EFR3B: variants seen among roughly 807,000 people sequenced by gnomAD.
The protein encoded by EFR3B is protein EFR3 homolog B.
A neutral mutation model predicts 104.7 loss-of-function variants in EFR3B; 64 were observed. The observed-to-expected ratio is 0.61, with a 90% CI of 0.50 to 0.75. The LOEUF is 0.75. Ranked by LOEUF, EFR3B falls within the 30% of genes least tolerant of loss-of-function variation. The pLI, the probability that EFR3B is intolerant of heterozygous loss-of-function variation, is 0.00. For synonymous variants in EFR3B, 385 were observed against 417.9 expected (o/e 0.92, Z 0.96); for missense variants, 750 against 1,078.5 (o/e 0.70, Z 4.27).
chr2:25,133,055 C>T (rs985365318), intron 11 of EFR3B, 41 bp downstream of exon 11: 1 of 1,512,484 alleles, frequency 6.6e-7, no homozygotes, highest in Non-Finnish European at 9.0e-7. Context: ...CCTCCTCTCC[C>T]CCAGCTGCAT....
intron 3 of EFR3B, among the ~76,000 whole-genome samples, chr2:25,100,866 C>A (rs950589851): frequency 6.6e-6 from 1 of 152,198 alleles, no homozygotes; most frequent in Non-Finnish European, 1.5e-5. Flanking sequence ...GAAGGATCAC[C>A]ATCCTGCAAT....
chr2:25,141,912 G>T lies in EFR3B; in HGVS notation c.1922+479G>T, dbSNP rs1400120366. 2.0e-5 allele frequency among the ~76,000 whole-genome samples: 3 copies of T among 152,164 alleles called. No individual in the cohort carries two copies. In the South Asian group the frequency reaches 6.2e-4, roughly 32 times the overall value. On this transcript the variant is annotated intron_variant, in intron 17 of 22. Transcript: ENST00000403714. ...AGACAATCATGACAATGTTTTAGAA[G>T]AATATTTAATGTAAAATACCCATTA...
At chr2:25,091,535 C>A in intron 2 of EFR3B, 134 bp downstream of exon 2, 1 of 751,350 alleles carries the variant, frequency 1.3e-6, no homozygotes, top group Non-Finnish European at 2.1e-6. Flanking sequence ...ACTGAGCCTT[C>A]CCAGAGAAAC....
rs1412413612 is a variant in EFR3B at position 25,114,061 on chromosome 2, G to A, written c.364-7612G>A. ...AAAAGGGCTTACTCGCTCTAAAACC[G>A]GAGAGTCCCAACCTCATCTCAGCCA... On this transcript the variant is annotated intron_variant, in intron 4 of 22. Coordinates refer to ENST00000403714, the MANE Select transcript of EFR3B (RefSeq NM_014971.2). The surrounding 1 kb of genome is among the most constrained non-coding windows in gnomAD (Gnocchi z 4.0). Among the ~76,000 whole-genome samples, 1 of 152,156 alleles carries A rather than the reference G, an allele frequency of 6.6e-6. No homozygotes were observed. The highest frequency in any genetic ancestry group is 1.5e-5 in the Non-Finnish European group (1 of 68,028).
intron 2 of EFR3B, among the ~76,000 whole-genome samples, chr2:25,091,770 C>T (rs1425287522): frequency 6.6e-6 from 1 of 152,200 alleles, no homozygotes; most frequent in Non-Finnish European, 1.5e-5. Context: ...TGTGAGGACT[C>T]CCCTGTCTTG....
rs77871644 is a variant in EFR3B, at chr2:25,059,078, C to T, written c.7+16759C>T. 0.017 allele frequency among the ~76,000 whole-genome samples: 2,581 copies of T among 151,798 alleles called. 181 individuals are homozygous for T. In the East Asian group the frequency reaches 0.23, roughly 14 times the overall value. On this transcript the variant is annotated intron_variant, in intron 1 of 22. Transcript: ENST00000403714. ...GACAGACAAACGGATAAACAAAATGCAATATCTGTGTATGATAGAATATTA... is the reference window on the plus strand; with the variant it reads ...GACAGACAAACGGATAAACAAAATGTAATATCTGTGTATGATAGAATATTA...
intron 1 of EFR3B, among the ~76,000 whole-genome samples, chr2:25,058,775 C>CCCCCA (rs1491513048): frequency 1.9e-5 from 2 of 104,190 alleles, no homozygotes; most frequent in African/African-American, 7.0e-5. Flanking sequence ...CCCCCCCCCC[C>CCCCCA]AAAAAAAAAA....
Position 25,140,079 on chromosome 2 carries a change from G to A in EFR3B, c.1854+889G>A, listed in dbSNP as rs148743578. On this transcript the variant is annotated intron_variant, in intron 16 of 22. Transcript: ENST00000403714. The stretch of plus-strand genomic sequence containing the variant: ...TGTAATCCCAGCACTTTGGGAGGCC[G>A]AGGCTGGTGGATCACTTGAGATCAG... Among the ~76,000 whole-genome samples the A allele has an allele frequency of 3.6e-3, 547 of 152,178 alleles. 4 individuals are homozygous for A. Among genetic ancestry groups the A allele is most frequent in the African/African-American group, 0.012 (491 of 41,518 alleles).
chr2:25,131,638 G>A lies in EFR3B; in HGVS notation c.986-112G>A, dbSNP rs1670338331. ...AGAAGTCCGCCAGGAAGTTGGGAGC[G>A]CAGAGGAAGCCCAGGCTGGAAGGGG... On this transcript the variant is annotated intron_variant, in intron 9 of 22. Transcript: ENST00000403714. This position sits in a 1 kb window ranked among gnomAD's most constrained non-coding sequence, Gnocchi z 7.6. The A allele has an allele frequency of 4.0e-6, 6 of 1,491,164 alleles. No homozygotes were observed. In the East Asian group the frequency reaches 7.5e-5, roughly 19 times the overall value. 92.4% of individuals were successfully genotyped at this position (1,491,164 alleles called of 1,614,324 possible).
intron 2 of EFR3B, among the ~76,000 whole-genome samples, chr2:25,091,654 G>A (rs1417744699): frequency 6.6e-6 from 1 of 152,250 alleles, no homozygotes; most frequent in Non-Finnish European, 1.5e-5. Context: ...TGGCATGCTT[G>A]TGGCCATCAC....
chr2:25,091,267 A>G (rs982619789), intron 1 of EFR3B, 58 bp from the exon 2 acceptor site: 24 of 1,523,514 alleles, frequency 1.6e-5, no homozygotes, highest in African/African-American at 9.7e-5. Context: ...CCTGGCTCCA[A>G]CCTTTCCTGG....
intron 1 of EFR3B, chr2:25,080,400 T>C (rs557522059): frequency 9.6e-6 from 5 of 521,924 alleles, no homozygotes; most frequent in Non-Finnish European, 1.7e-5. Flanking sequence ...GTTCGAGCGA[T>C]TCTGCTGCCT....
At chr2:25,129,330 G>T (rs1168526114) in intron 6 of EFR3B, among the ~76,000 whole-genome samples, 1 of 131,810 alleles carries the variant, frequency 7.6e-6, no homozygotes, top group Non-Finnish European at 1.6e-5. Context: ...GGGGGCGGGG[G>T]CGGGGGCGGG....
Position 25,103,633 on chromosome 2 carries a change from C to T in EFR3B, c.213-4C>T. The T allele has an allele frequency of 6.5e-7, 1 of 1,548,692 alleles. No homozygotes were observed. Among genetic ancestry groups the T allele is most frequent in the Non-Finnish European group, 8.7e-7 (1 of 1,144,792 alleles). On this transcript the variant is annotated splice_polypyrimidine_tract_variant and splice_region_variant and intron_variant, in intron 3 of 22. Transcript: ENST00000403714. ...CCAGTGACGGCATGTGCTGCCCTCCCCAGGTACGTGTGCATTGCTATGGAG... is the reference window on the plus strand; with the variant it reads ...CCAGTGACGGCATGTGCTGCCCTCCTCAGGTACGTGTGCATTGCTATGGAG...
intron 1 of EFR3B, among the ~76,000 whole-genome samples, chr2:25,055,679 G>A (rs1667997739): frequency 6.6e-6 from 1 of 152,144 alleles, no homozygotes; most frequent in African/African-American, 2.4e-5. Flanking sequence ...CCTAAATTAC[G>A]AGAACATTTA....
chr2:25,096,431 C>T (rs533819355), intron 3 of EFR3B, among the ~76,000 whole-genome samples: 2 of 152,320 alleles, frequency 1.3e-5, no homozygotes, highest in East Asian at 1.9e-4. Context: ...TCTCCCTGCT[C>T]CCTGTCTTTC....
intron 5 of EFR3B, among the ~76,000 whole-genome samples, chr2:25,122,785 C>T (rs986008518): frequency 1.3e-5 from 2 of 152,096 alleles, no homozygotes. Flanking sequence ...ATACATTACT[C>T]TCTGTGTTTC....
intron 1 of EFR3B, among the ~76,000 whole-genome samples, chr2:25,059,449 A>G (rs1419713907): frequency 2.6e-5 from 4 of 151,950 alleles, no homozygotes; most frequent in Admixed American, 1.3e-4. Context: ...CCTTGAGGAT[A>G]TTATGGTAAT....
intron 1 of EFR3B, among the ~76,000 whole-genome samples, chr2:25,077,623 T>C (rs1398072294): frequency 6.6e-6 from 1 of 152,196 alleles, no homozygotes; most frequent in Non-Finnish European, 1.5e-5. Context: ...GTGCTCACAA[T>C]ATAAGAAGAA....
Sources: gnomAD v4.1 joint callset for allele counts (sites outside exome capture counted in the v4.1 genomes callset) on GRCh38, gnomAD v4.1.1 for gene constraint, Gnocchi (gnomAD v3.1) non-coding constraint, MANE v1.5 for transcripts, NCBI Gene and HGNC (gene_info 2026-07-23, HGNC 2026-07-21) for gene names.